Variants in MYO5A observed in about 807,000 individuals in gnomAD.
The protein encoded by MYO5A is myosin VA, also known as unconventional myosin-Va.
Under a neutral mutation model 249.7 loss-of-function variants are expected in MYO5A, and 98 were observed. The ratio of observed to expected loss-of-function variants is 0.39; its 90% confidence interval spans 0.33 to 0.46. The LOEUF is 0.46. MYO5A is among the 20% of genes least tolerant of loss of function. MYO5A has a pLI of 0.98. For synonymous variants in MYO5A, 778 were observed against 810.6 expected (o/e 0.96, Z 0.68); for missense variants, 1,696 against 2,308.8 (o/e 0.73, Z 5.44).
intron 3 of MYO5A, among the ~76,000 whole-genome samples, chr15:52,428,024 A>T (rs1053392090): frequency 6.6e-6 from 1 of 152,214 alleles, no homozygotes; most frequent in African/African-American, 2.4e-5. Flanking sequence ...GTAATTGACC[A>T]CAAGATAACA....
chr15:52,517,951 C>T (rs2141646409), intron 1 of MYO5A, among the ~76,000 whole-genome samples: 1 of 151,878 alleles, frequency 6.6e-6, no homozygotes, highest in East Asian at 1.9e-4. Flanking sequence ...AGCTACAAGG[C>T]ATCACTTCTA....
At chr15:52,433,118 C>A in intron 2 of MYO5A, 57 bp downstream of exon 2, 1 of 1,264,244 alleles carries the variant, frequency 7.9e-7, no homozygotes, top group Non-Finnish European at 1.2e-6. Context: ...AGTAAATTTA[C>A]ACTTTTGAAC....
chr15:52,382,205 G>A (rs2041779028), intron 16 of MYO5A, among the ~76,000 whole-genome samples: 1 of 152,138 alleles, frequency 6.6e-6, no homozygotes. Context: ...CCCGGCTGAC[G>A]GATGCTTTTT....
intron 1 of MYO5A, among the ~76,000 whole-genome samples, chr15:52,479,092 T>A (rs917720389): frequency 6.6e-6 from 1 of 151,844 alleles, no homozygotes; most frequent in Non-Finnish European, 1.5e-5. Context: ...GCCCCCTGGG[T>A]TCAAGCAATT....
At chr15:52,334,110 T>C (rs1462841385) in intron 34 of MYO5A, among the ~76,000 whole-genome samples, 2 of 152,240 alleles carry the variant, frequency 1.3e-5, no homozygotes, top group Non-Finnish European at 2.9e-5. Context: ...ATAGTTTAAA[T>C]GATGAGGTTG....
chr15:52,425,781 TATC>T lies in MYO5A; in HGVS notation c.455+46_455+48del, dbSNP rs372749809. 2.5e-6 allele frequency: 4 copies of T among 1,596,994 alleles called. No individual in the cohort carries two copies. In the African/African-American group the frequency reaches 5.4e-5, roughly 21 times the overall value. ...TATATGTGACTTAGCAAGAAGAAAT[TATC>T]ATATCTAATAACTGCCATAAAATAA... is the stretch of plus-strand genomic sequence containing the variant. On this transcript the variant is annotated intron_variant, in intron 4 of 41. Transcript: ENST00000399233.
chr15:52,332,650 G>A (rs1269979180), intron 34 of MYO5A, among the ~76,000 whole-genome samples: 2 of 152,048 alleles, frequency 1.3e-5, no homozygotes, highest in East Asian at 1.9e-4. Flanking sequence ...GATTGATTTT[G>A]CAATATTATC....
chr15:52,522,425 A>G (rs1170010104), intron 1 of MYO5A, among the ~76,000 whole-genome samples: 2 of 152,186 alleles, frequency 1.3e-5, no homozygotes, highest in Non-Finnish European at 2.9e-5. Context: ...AAATAGAATA[A>G]GTCTAGGAAG....
chr15:52,528,639 G>A (rs1348342341), intron 1 of MYO5A, 141 bp downstream of exon 1: 2 of 986,616 alleles, frequency 2.0e-6, no homozygotes. Context: ...GGCTGGTAGG[G>A]CCGAGGGTTC....
intron 33 of MYO5A, 139 bp downstream of exon 33, chr15:52,337,671 A>G: frequency 3.4e-6 from 2 of 580,424 alleles, no homozygotes; most frequent in Non-Finnish European, 6.1e-6. Context: ...TGGCTAAAAG[A>G]CAGCTGTGGG....
intron 1 of MYO5A, among the ~76,000 whole-genome samples, chr15:52,507,806 A>C (rs1033640552): frequency 2.9e-4 from 43 of 147,820 alleles, no homozygotes; most frequent in African/African-American, 6.4e-4. Context: ...CCTGTCCCCA[A>C]AAAAAAAAAA....
At position 52,328,262 on chromosome 15, in the gene MYO5A, TCTTGACAACTCTGCTCAGGCA is replaced by T. The variant is rs549304790; in HGVS notation, c.4556-277_4556-257del. On this transcript the variant is annotated intron_variant, in intron 35 of 41. Coordinates refer to ENST00000399233, the MANE Select transcript of MYO5A (RefSeq NM_001382347.1). Reference sequence around the variant, plus strand: ...ATTCCAGTCTCACTATCAACTACCTTCTTGACAACTCTGCTCAGGCACATGAAACTAAGCCTCTCCCAAACC... The same window carrying T: ...ATTCCAGTCTCACTATCAACTACCTTCATGAAACTAAGCCTCTCCCAAACC... 4.6e-3 allele frequency among the ~76,000 whole-genome samples: 707 copies of T among 152,278 alleles called. 2 individuals carry two copies. Among genetic ancestry groups the T allele is most frequent in the African/African-American group, 0.016 (684 of 41,552 alleles).
In MYO5A at chr15:52,348,940, A is replaced by C; in HGVS notation, c.3850-114T>G. 2.6e-6 allele frequency: 3 copies of C among 1,159,714 alleles called. No homozygotes were observed. In the South Asian group the frequency reaches 4.4e-5, roughly 17 times the overall value. The allele number at this position is 1,159,714 out of a possible 1,614,324, so 71.8% of individuals were successfully genotyped here. A position where few individuals can be genotyped will look rare whatever the true frequency, so the allele number is the denominator to read the frequency against. ...ATAACAGATAAAAGCTAATTTAAAA[A>C]CAGCCATGAGTTGTTTCTCTAAAAT... On this transcript the variant is annotated intron_variant, in intron 28 of 41. Transcript: ENST00000399233.
chr15:52,408,960 T>A (rs1242570631), intron 6 of MYO5A, among the ~76,000 whole-genome samples: 1 of 152,054 alleles, frequency 6.6e-6, no homozygotes, highest in Non-Finnish European at 1.5e-5. Context: ...GGAGACCAGG[T>A]GGTTCAGCAC....
Position 52,403,905 on chromosome 15 carries a change from G to A in MYO5A, c.1053+1382C>T, listed in dbSNP as rs139843425. Reference sequence around the variant, plus strand: ...AAATATTCATAAAGAAAATCGTAAGGATCAAGCTTTCTGTAAACCAAACTG... The same window carrying A: ...AAATATTCATAAAGAAAATCGTAAGAATCAAGCTTTCTGTAAACCAAACTG... On this transcript the variant is annotated intron_variant, in intron 9 of 41. Coordinates refer to ENST00000399233, the MANE Select transcript of MYO5A (RefSeq NM_001382347.1). 3.7e-4 allele frequency among the ~76,000 whole-genome samples: 57 copies of A among 152,194 alleles called. No individual in the cohort carries two copies. The East Asian group carries it at 7.9e-3, about 21-fold the overall frequency.
At chr15:52,360,701 G>C (rs1257515142) in intron 24 of MYO5A, among the ~76,000 whole-genome samples, 1 of 152,130 alleles carries the variant, frequency 6.6e-6, no homozygotes, top group Non-Finnish European at 1.5e-5. Flanking sequence ...AGGGCATCCA[G>C]GTGGCATTTT....
intron 1 of MYO5A, among the ~76,000 whole-genome samples, chr15:52,472,596 T>C (rs2076499260): frequency 6.6e-6 from 1 of 152,170 alleles, no homozygotes; most frequent in African/African-American, 2.4e-5. Context: ...CCTGTGTCCC[T>C]GTGTTCTCAT....
chr15:52,408,202 A>G, intron 6 of MYO5A, 62 bp from the exon 7 acceptor site: 1 of 934,024 alleles, frequency 1.1e-6, no homozygotes, highest in Non-Finnish European at 1.7e-6. Flanking sequence ...GAATTCTATC[A>G]TAAAATAAGA....
intron 1 of MYO5A, among the ~76,000 whole-genome samples, chr15:52,527,553 A>G (rs2077750249): frequency 6.6e-6 from 1 of 152,258 alleles, no homozygotes; most frequent in Non-Finnish European, 1.5e-5. Flanking sequence ...CATAGGTTAC[A>G]AAAAGCTTTC....
Sources: gnomAD v4.1 joint callset for allele counts (sites outside exome capture counted in the v4.1 genomes callset) on GRCh38, gnomAD v4.1.1 for gene constraint, MANE v1.5 for transcripts, NCBI Gene and HGNC (gene_info 2026-07-23, HGNC 2026-07-21) for gene names.